The following GINM1 variants were observed in gnomAD, a reference collection of about 807,000 sequenced individuals.
The protein encoded by GINM1 is glycoprotein integral membrane protein 1.
In GINM1, 29 loss-of-function variants were observed where a neutral mutation model predicts 37.8. That is an observed-to-expected ratio of 0.77 (90% CI 0.57 to 1.05). The LOEUF (loss-of-function observed/expected upper bound fraction) is 1.05, where lower values mean the gene tolerates loss of function less well. Among genes scored for constraint, GINM1 ranks in the 50% least tolerant of loss-of-function variants. The pLI is 0.00. For synonymous variants in GINM1, 143 were observed against 146.2 expected, an observed-to-expected ratio of 0.98 and a Z score of 0.16; for missense variants, 377 against 397.9, an observed-to-expected ratio of 0.95 and a Z score of 0.45.
At chr6:149,567,446 C>T (rs1262900758) in intron 1 of GINM1, among the ~76,000 whole-genome samples, 2 of 152,112 alleles carry the variant, frequency 1.3e-5, no homozygotes, top group Non-Finnish European at 1.5e-5. Context: ...GTAAGTGTCA[C>T]TTTGACCAAC....
rs1777730001 is a variant in GINM1 at position 149,566,964 on chromosome 6, G to A, written c.120+430G>A. Among the ~76,000 whole-genome samples, 1 of 152,250 alleles carries A rather than the reference G, an allele frequency of 6.6e-6. No individual in the cohort carries two copies. On this transcript the variant is annotated intron_variant, in intron 1 of 7. Transcript: ENST00000367419. The surrounding 1 kb of genome is among the most constrained non-coding windows in gnomAD (Gnocchi z 4.4). The stretch of plus-strand genomic sequence containing the variant: ...ATTTCCAGGCCACTTGTGCCTGCTC[G>A]GCCTGCGATCGCGAGGGTCCGCCGT...
chr6:149,570,981 C>T (rs1248275135), intron 1 of GINM1, among the ~76,000 whole-genome samples: 1 of 152,070 alleles, frequency 6.6e-6, no homozygotes, highest in East Asian at 1.9e-4. Flanking sequence ...AAAATTGGAG[C>T]ATTACAGATG....
chr6:149,589,756 T>C (rs1778127034), intron 7 of GINM1, among the ~76,000 whole-genome samples: 1 of 152,170 alleles, frequency 6.6e-6, no homozygotes, highest in Admixed American at 6.6e-5. Context: ...TAGTGATCTA[T>C]TTGTCTATTC....
chr6:149,582,391 T>G (rs749343704), intron 6 of GINM1, 49 bp from the exon 7 acceptor site: 1 of 1,479,716 alleles, frequency 6.8e-7, no homozygotes, highest in East Asian at 2.3e-5. Flanking sequence ...TAAAGTTTAT[T>G]CTTAGAGATT....
At chr6:149,579,586 G>C (rs1163158600) in intron 4 of GINM1, among the ~76,000 whole-genome samples, 1 of 152,100 alleles carries the variant, frequency 6.6e-6, no homozygotes, top group African/African-American at 2.4e-5. Context: ...TAGCTACTCG[G>C]GAGGCTGAGG....
In GINM1 at chr6:149,566,894, G is replaced by T. The variant is rs915989891; in HGVS notation, c.120+360G>T. Among the ~76,000 whole-genome samples, 1 of 152,238 alleles carries T rather than the reference G, an allele frequency of 6.6e-6. No individual in the cohort carries two copies. The highest frequency in any genetic ancestry group is 2.4e-5 in the African/African-American group (1 of 41,474). On this transcript the variant is annotated intron_variant, in intron 1 of 7. Coordinates refer to ENST00000367419, the MANE Select transcript of GINM1 (RefSeq NM_138785.5). The surrounding 1 kb of genome is among the most constrained non-coding windows in gnomAD (Gnocchi z 4.4). ...GGGGTAGAGCCAGCGCTTGGGCAAG[G>T]AATGTTTGTGTGCTCGGGAAGTGTG...
At position 149,566,523 on chromosome 6, in the gene GINM1, G is replaced by A. The variant is rs1172698002; in HGVS notation, c.109G>A (p.Gly37Arg). 6.6e-7 allele frequency: 1 copy of A among 1,526,228 alleles called. No individual in the cohort carries two copies. The highest frequency in any genetic ancestry group is 1.2e-5 in the South Asian group (1 of 82,790). 94.5% of individuals were successfully genotyped at this position (1,526,228 alleles called of 1,614,324 possible). The stretch of plus-strand genomic sequence containing the variant: ...CGCCCCCGAGCCGCCGCCGCTGTCC[G>A]GAGCCCCACAGGTAGGGCAGGGCGG... ...TGAPEPPPLSGAPQDGIRINV... is the reference protein window; with the variant it reads ...TGAPEPPPLSRAPQDGIRINV... The change falls in exon 1 of 8, where the codon GGA becomes AGA. Residue 37 changes from glycine to arginine, a missense_variant. By Grantham distance (125) the Gly-to-Arg change is moderately radical. Coordinates refer to ENST00000367419, the MANE Select transcript of GINM1 (RefSeq NM_138785.5). This position sits in a 1 kb window ranked among gnomAD's most constrained non-coding sequence, Gnocchi z 4.4.
chr6:149,589,050 C>T (rs984160559), intron 7 of GINM1, among the ~76,000 whole-genome samples: 1 of 151,930 alleles, frequency 6.6e-6, no homozygotes, highest in Non-Finnish European at 1.5e-5. Flanking sequence ...GTGACCCACC[C>T]GTCTCGGCCT....
intron 3 of GINM1, among the ~76,000 whole-genome samples, chr6:149,573,837 A>T (rs76795372): frequency 6.6e-6 from 1 of 151,778 alleles, no homozygotes; most frequent in Admixed American, 6.6e-5. Flanking sequence ...AAAAAAAAAA[A>T]TGTGCATAAA....
At chr6:149,571,578 A>T (rs1777822844) in intron 1 of GINM1, among the ~76,000 whole-genome samples, 1 of 152,138 alleles carries the variant, frequency 6.6e-6, no homozygotes, top group African/African-American at 2.4e-5. Flanking sequence ...GTAAAACTAT[A>T]AAGAAAAGCA....
intron 1 of GINM1, among the ~76,000 whole-genome samples, chr6:149,571,130 G>A (rs547686732): frequency 3.9e-5 from 6 of 151,960 alleles, no homozygotes; most frequent in Middle Eastern, 3.4e-3. Flanking sequence ...CCTGACCAAC[G>A]TGGTGAAACC....
intron 3 of GINM1, among the ~76,000 whole-genome samples, chr6:149,574,553 G>GT (rs1381447226): frequency 6.6e-6 from 1 of 151,882 alleles, no homozygotes; most frequent in Non-Finnish European, 1.5e-5. Context: ...TTGGTTTTAC[G>GT]TAATTTTACT....
intron 6 of GINM1, chr6:149,582,232 G>T: frequency 1.7e-6 from 1 of 600,024 alleles, no homozygotes; most frequent in African/African-American, 1.9e-5. Context: ...TTTTAAAGTT[G>T]TAAGTAACTT....
chr6:149,585,185 G>A (rs911588245), intron 7 of GINM1, among the ~76,000 whole-genome samples: 2 of 152,034 alleles, frequency 1.3e-5, no homozygotes, highest in Non-Finnish European at 2.9e-5. Context: ...CCATTGTTTT[G>A]TTATGGGTTT....
chr6:149,567,713 G>A (rs756923471), intron 1 of GINM1, among the ~76,000 whole-genome samples: 37 of 152,156 alleles, frequency 2.4e-4, no homozygotes, highest in Admixed American at 8.5e-4. Context: ...GTACAAAAAT[G>A]ATGAGCATGT....
At chr6:149,581,232 G>A (rs1777995105) in intron 6 of GINM1, among the ~76,000 whole-genome samples, 2 of 151,598 alleles carry the variant, frequency 1.3e-5, no homozygotes, top group South Asian at 4.2e-4. Context: ...GTGTGATCTC[G>A]GCTTACTCCT....
intron 1 of GINM1, among the ~76,000 whole-genome samples, chr6:149,570,858 A>G (rs1237182390): frequency 6.6e-6 from 1 of 152,234 alleles, no homozygotes; most frequent in African/African-American, 2.4e-5. Context: ...GATAGATTGT[A>G]GTTCCTGTGG....
At chr6:149,586,999 C>G (rs1778079268) in intron 7 of GINM1, among the ~76,000 whole-genome samples, 1 of 152,116 alleles carries the variant, frequency 6.6e-6, no homozygotes, top group African/African-American at 2.4e-5. Flanking sequence ...AGGCTGGTCT[C>G]AAACTCCTGG....
chr6:149,587,005 C>T (rs1299460891), intron 7 of GINM1, among the ~76,000 whole-genome samples: 1 of 152,098 alleles, frequency 6.6e-6, no homozygotes, highest in East Asian at 1.9e-4. Flanking sequence ...GTCTCAAACT[C>T]CTGGGGTCAA....
Sources: allele counts gnomAD v4.1 joint callset (sites outside exome capture counted in the v4.1 genomes callset), GRCh38; gene constraint gnomAD v4.1.1; non-coding constraint Gnocchi (gnomAD v3.1); transcripts MANE v1.5; gene names NCBI Gene and HGNC (gene_info 2026-07-23, HGNC 2026-07-21).